Variants in NDUFS7 observed in about 807,000 individuals in gnomAD.
The protein encoded by NDUFS7 is NADH dehydrogenase [ubiquinone] iron-sulfur protein 7, mitochondrial.
In NDUFS7, 11 loss-of-function variants were observed where a neutral mutation model predicts 31.1. The ratio of observed to expected loss-of-function variants is 0.35; its 90% CI spans 0.22 to 0.59. The LOEUF (loss-of-function observed/expected upper bound fraction) is 0.59, where lower values mean the gene tolerates loss of function less well. Among genes scored for constraint, NDUFS7 ranks in the 20% least tolerant of loss-of-function variants. The pLI, the probability that NDUFS7 is intolerant of heterozygous loss-of-function variation, is 0.79. For missense variants in NDUFS7, 263 were observed against 324.2 expected (o/e 0.81, Z 1.45); for synonymous variants, 136 against 127.9 (o/e 1.06, Z -0.43).
Position 1,393,723 on chromosome 19 carries a change from C to T in NDUFS7, c.544+393C>T, listed in dbSNP as rs549979856. On this transcript the variant is annotated intron_variant, in intron 7 of 7. Transcript: ENST00000233627. This position sits in a 1 kb window ranked among gnomAD's most constrained non-coding sequence, Gnocchi z 7.3. ...AGGGCACGCAGGACTCCCTGGGACC[C>T]GGGGTGGCCGGATTTGGCAAATGAA... 2.4e-5 allele frequency: 13 copies of T among 530,688 alleles called. 1 individual carries two copies. Among genetic ancestry groups the T allele is most frequent in the African/African-American group, 1.7e-4 (9 of 52,884 alleles). The allele number at this position is 530,688 out of a possible 1,614,324, so 32.9% of individuals were successfully genotyped here.
chr19:1,389,307 TCATGCACACACATGCACACTCACACA>T (rs1022022501), intron 4 of NDUFS7: 6 of 522,460 alleles, frequency 1.1e-5, no homozygotes, highest in African/African-American at 2.0e-5. Flanking sequence ...ATATGCACAG[TCATGCACACACATGCACACTCACACA>T]CATGCACACA....
Position 1,393,269 on chromosome 19 carries a change from C to A in NDUFS7, c.483C>A (p.His161Gln). 1 of 1,584,974 alleles carries A rather than the reference C, an allele frequency of 6.3e-7. No individual in the cohort carries two copies. The highest frequency in any genetic ancestry group is 8.6e-7 in the Non-Finnish European group (1 of 1,166,626). ...GSCANGGGYY[H>Q]YSYSVVRGCD... ...GCGCCAACGGAGGAGGCTACTACCA[C>A]TATTCCTACTCGGTGGTGAGGGGCT... The change falls in exon 7 of 8, where the codon CAC becomes CAA. Residue 161 changes from histidine (H) to glutamine (Q), a missense_variant. By Grantham distance (24) the His-to-Gln change is conservative. Coordinates refer to ENST00000233627, the MANE Select transcript of NDUFS7 (RefSeq NM_024407.5). The surrounding 1 kb of genome is among the most constrained non-coding windows in gnomAD (Gnocchi z 7.3).
intron 6 of NDUFS7, among the ~76,000 whole-genome samples, chr19:1,391,684 A>G (rs1453259989): frequency 2.0e-5 from 3 of 151,010 alleles, no homozygotes; most frequent in African/African-American, 7.3e-5. Flanking sequence ...ACGGGGTTTT[A>G]CCATGTTGGC....
At chr19:1,384,462 T>C (rs1207287743) in intron 1 of NDUFS7, among the ~76,000 whole-genome samples, 1 of 152,206 alleles carries the variant, frequency 6.6e-6, no homozygotes, top group Non-Finnish European at 1.5e-5. Context: ...CAGGGACTTT[T>C]TTGGGATCAG....
At chr19:1,394,875 T>G (rs1600154611) in intron 7 of NDUFS7, 1 of 1,124,254 alleles carries the variant, frequency 8.9e-7, no homozygotes, top group East Asian at 7.6e-5. Flanking sequence ...GTTCTGAACC[T>G]GCGTGGCAGC....
rs918787546 is a variant in NDUFS7 at position 1,394,936 on chromosome 19, G to A, written c.545-455G>A. ...AGCTCTGGCTTGGGGCTCAGAAAGAGGGTCATCGGGTCCTCGTGGGATGCC... is the reference window on the plus strand; with the variant it reads ...AGCTCTGGCTTGGGGCTCAGAAAGAAGGTCATCGGGTCCTCGTGGGATGCC... On this transcript the variant is annotated intron_variant, in intron 7 of 7. Transcript: ENST00000233627. The A allele has an allele frequency of 9.0e-5, 101 of 1,117,396 alleles. 1 individual carries two copies. In the African/African-American group the frequency reaches 1.5e-3, roughly 17 times the overall value. 69.2% of individuals were successfully genotyped at this position (1,117,396 alleles called of 1,614,324 possible).
chr19:1,389,237 T>A (rs1600148105), intron 4 of NDUFS7: 2 of 659,222 alleles, frequency 3.0e-6, no homozygotes, highest in South Asian at 3.1e-5. Context: ...ACACTTGCAC[T>A]CATGCACACT....
chr19:1,387,927 TG>T (rs1568986992), intron 2 of NDUFS7, 80 bp downstream of exon 2: 2 of 117,904 alleles, frequency 1.7e-5, no homozygotes, highest in Non-Finnish European at 3.1e-5. Flanking sequence ...GGGTGGGGGG[TG>T]GGGGGAGCGC....
intron 1 of NDUFS7, among the ~76,000 whole-genome samples, chr19:1,384,776 T>G (rs1389814948): frequency 1.3e-5 from 2 of 152,252 alleles, no homozygotes; most frequent in Admixed American, 1.3e-4. Context: ...TTACAGGTCC[T>G]GCTAATACTG....
intron 4 of NDUFS7, 61 bp from the exon 5 acceptor site, chr19:1,390,810 T>C (rs2082549805): frequency 6.4e-7 from 1 of 1,563,048 alleles, no homozygotes; most frequent in Non-Finnish European, 8.7e-7. Flanking sequence ...CCACGTGGAG[T>C]CTCACGCTGG....
At position 1,389,288 on chromosome 19, in the gene NDUFS7, C is replaced by T. The variant is rs78136534; in HGVS notation, c.228+350C>T. On this transcript the variant is annotated intron_variant, in intron 4 of 7. Coordinates refer to ENST00000233627, the MANE Select transcript of NDUFS7 (RefSeq NM_024407.5). ...ACATGCACACGCACACTCGCACACACGTGCACATATATGCACAGTCATGCA... is the reference window on the plus strand; with the variant it reads ...ACATGCACACGCACACTCGCACACATGTGCACATATATGCACAGTCATGCA... 3.4e-3 allele frequency: 1,990 copies of T among 578,230 alleles called. 38 individuals carry two copies. Among genetic ancestry groups the T allele is most frequent in the African/African-American group, 0.032 (1,754 of 54,648 alleles). The allele number at this position is 578,230 out of a possible 1,614,324, so 35.8% of individuals were successfully genotyped here. A position where few individuals can be genotyped will look rare whatever the true frequency, so the allele number is the denominator to read the frequency against.
intron 1 of NDUFS7, among the ~76,000 whole-genome samples, chr19:1,387,368 T>A (rs567855717): frequency 3.9e-5 from 6 of 152,360 alleles, no homozygotes; most frequent in Middle Eastern, 3.4e-3. Context: ...CCGGAGGACC[T>A]GGGGTCCTGG....
chr19:1,389,204 C>CTTGCACACATACACACAT, intron 4 of NDUFS7: 1 of 687,452 alleles, frequency 1.5e-6, no homozygotes, highest in Admixed American at 2.0e-5. Context: ...TGTGCACACA[C>CTTGCACACATACACACAT]GCTTGCACAC....
Position 1,388,839 on chromosome 19 carries a change from G to A in NDUFS7, c.129G>A (p.Gln43=). Residue 43 remains glutamine, a synonymous_variant, in exon 4 of 8, where the codon CAG becomes CAA. Coordinates refer to ENST00000233627, the MANE Select transcript of NDUFS7 (RefSeq NM_024407.5). ...CCGTGTGTCTCTGTGCCAGCACCCAGCCTGCCCTGCCAAAGGCCAGAGCCG... is the reference window on the plus strand; with the variant it reads ...CCGTGTGTCTCTGTGCCAGCACCCAACCTGCCCTGCCAAAGGCCAGAGCCG... ...SVATDGPSST[Q]PALPKARAVA... is the part of the protein sequence containing the mutation. 1.9e-6 allele frequency: 3 copies of A among 1,595,288 alleles called. No individual in the cohort carries two copies. Among genetic ancestry groups the A allele is most frequent in the Non-Finnish European group, 2.6e-6 (3 of 1,171,634 alleles).
chr19:1,387,128 GGCA>G, intron 1 of NDUFS7: 2 of 155,458 alleles, frequency 1.3e-5, no homozygotes, highest in Admixed American at 1.2e-4. Context: ...GATTGACGTG[GGCA>G]GCGCCCTCCC....
chr19:1,390,804 G>C, intron 4 of NDUFS7, 67 bp from the exon 5 acceptor site: 1 of 1,546,260 alleles, frequency 6.5e-7, no homozygotes, highest in Admixed American at 1.8e-5. Context: ...GGTGCTCCAC[G>C]TGGAGTCTCA....
Position 1,393,605 on chromosome 19 carries a change from A to G in NDUFS7, c.544+275A>G, listed in dbSNP as rs1021736972. 2.3e-5 allele frequency: 14 copies of G among 608,306 alleles called. 1 individual carries two copies. The Admixed American group carries it at 3.9e-4, about 17-fold the overall frequency. The allele number at this position is 608,306 out of a possible 1,614,324, so 37.7% of individuals were successfully genotyped here. A position where few individuals can be genotyped will look rare whatever the true frequency, so the allele number is the denominator to read the frequency against. On this transcript the variant is annotated intron_variant, in intron 7 of 7. Transcript: ENST00000233627. The surrounding 1 kb of genome is among the most constrained non-coding windows in gnomAD (Gnocchi z 7.3). ...GTTTACAGCAGTTTCATATGGTCCT[A>G]CCTGGCACAAACCAAAGACCTGCAG...
chr19:1,394,254 C>T (rs1253618142), intron 7 of NDUFS7: 1 of 779,504 alleles, frequency 1.3e-6, no homozygotes, highest in Non-Finnish European at 1.9e-6. Context: ...TTCAGGTCAC[C>T]CCGGGGGCAG....
intron 1 of NDUFS7, among the ~76,000 whole-genome samples, chr19:1,386,161 C>T (rs550285362): frequency 1.1e-4 from 16 of 152,202 alleles, no homozygotes; most frequent in African/African-American, 3.6e-4. Flanking sequence ...CCCCATGGAT[C>T]GCTGCATTCA....
Sources: allele counts gnomAD v4.1 joint callset (sites outside exome capture counted in the v4.1 genomes callset), GRCh38; gene constraint gnomAD v4.1.1; non-coding constraint Gnocchi (gnomAD v3.1); transcripts MANE v1.5; gene names NCBI Gene and HGNC (gene_info 2026-07-23, HGNC 2026-07-21).